Variants in ANXA8 observed in about 807,000 individuals in gnomAD.
The protein encoded by ANXA8 is VAC-beta.
In ANXA8, 9 loss-of-function variants were observed where a neutral mutation model predicts 26.8. That is an observed-to-expected ratio of 0.34 (90% CI 0.20 to 0.59). The LOEUF (loss-of-function observed/expected upper bound fraction) is 0.59, where lower values mean the gene tolerates loss of function less well. Ranked by LOEUF, ANXA8 falls within the 20% of genes least tolerant of loss-of-function variation. The pLI is 0.84. For synonymous variants in ANXA8, 39 were observed against 94.8 expected (o/e 0.41, Z 3.42); for missense variants, 83 against 238.5 (o/e 0.35, Z 4.29).
the ANXA8 span, among the ~76,000 whole-genome samples, chr10:47,659,166 C>T: frequency 0.051 from 7,676 of 150,050 alleles, 133 homozygotes; most frequent in African/African-American, 0.18. Context: ...CCACTGCACC[C>T]GGCTGTGTTG....
At chr10:47,969,772 G>T in the ANXA8 span, among the ~76,000 whole-genome samples, 4 of 150,594 alleles carry the variant, frequency 2.7e-5, no homozygotes, top group East Asian at 5.8e-4. Context: ...CTGGAGTAGG[G>T]TGGTGTGACG....
At chr10:47,941,755 G>A in the ANXA8 span, among the ~76,000 whole-genome samples, 1 of 147,886 alleles carries the variant, frequency 6.8e-6, no homozygotes, top group Admixed American at 6.7e-5. Flanking sequence ...CAGTGAAGCA[G>A]GGTAATTTGG....
At chr10:47,652,186 G>T in the ANXA8 span, among the ~76,000 whole-genome samples, 1 of 152,038 alleles carries the variant, frequency 6.6e-6, no homozygotes, top group East Asian at 1.9e-4. Context: ...GTTCTTTTTA[G>T]GTGATAGAAA....
the ANXA8 span, among the ~76,000 whole-genome samples, chr10:47,771,481 A>G: frequency 6.6e-6 from 1 of 151,454 alleles, no homozygotes; most frequent in Non-Finnish European, 1.5e-5. Context: ...CAAATAAATA[A>G]TCTACACCAA....
chr10:47,650,078 C>T, the ANXA8 span, among the ~76,000 whole-genome samples: 2,725 of 147,452 alleles, frequency 0.018, 35 homozygotes, highest in African/African-American at 0.065. Flanking sequence ...CATGGTGGCA[C>T]GCGCCTGTAA....
At chr10:47,655,913 G>A in the ANXA8 span, among the ~76,000 whole-genome samples, 12 of 151,946 alleles carry the variant, frequency 7.9e-5, no homozygotes, top group East Asian at 7.7e-4. Context: ...CCAGCTACTC[G>A]GGAGGCTGAG....
At chr10:47,988,881 C>T in the ANXA8 span, among the ~76,000 whole-genome samples, 196 of 151,790 alleles carry the variant, frequency 1.3e-3, 1 homozygote, top group African/African-American at 4.6e-3. Context: ...TCTACTAGGC[C>T]CTGAATGTTT....
At chr10:47,702,427 G>T in the ANXA8 span, among the ~76,000 whole-genome samples, 1 of 149,396 alleles carries the variant, frequency 6.7e-6, no homozygotes, top group Non-Finnish European at 1.5e-5. Flanking sequence ...TGCAACCTCT[G>T]CCTCCTGGGT....
the ANXA8 span, among the ~76,000 whole-genome samples, chr10:47,749,490 A>G: frequency 6.9e-6 from 1 of 145,090 alleles, no homozygotes; most frequent in Admixed American, 6.9e-5. Flanking sequence ...ATGAGTAATA[A>G]TAATATACAT....
the ANXA8 span, among the ~76,000 whole-genome samples, chr10:47,562,108 G>A: frequency 3.3e-5 from 5 of 151,806 alleles, no homozygotes; most frequent in Non-Finnish European, 5.9e-5. Context: ...CTCTAAATAT[G>A]ATTTGTTTTT....
the ANXA8 span, among the ~76,000 whole-genome samples, chr10:47,621,233 C>G: frequency 3.8e-3 from 393 of 104,160 alleles, 76 homozygotes; most frequent in Admixed American, 0.011. Flanking sequence ...TCATACTCAT[C>G]TTCTGAAGCC....
At chr10:47,586,481 T>C in the ANXA8 span, among the ~76,000 whole-genome samples, 4 of 145,562 alleles carry the variant, frequency 2.7e-5, 1 homozygote, top group African/African-American at 1.1e-4. Flanking sequence ...TGTGAACCTG[T>C]TTCTTTAACA....
At chr10:47,943,632 G>A in the ANXA8 span, among the ~76,000 whole-genome samples, 2 of 151,460 alleles carry the variant, frequency 1.3e-5, no homozygotes, top group South Asian at 4.2e-4. Flanking sequence ...AACTTTTGGG[G>A]TGTCCTGGTA....
chr10:47,733,171 T>TTCTTTCTTTCTTTCTCTCTCTCTCTCTC, the ANXA8 span, among the ~76,000 whole-genome samples: 2 of 100,900 alleles, frequency 2.0e-5, no homozygotes, highest in African/African-American at 6.4e-5. Context: ...CTTTCTTTCT[T>TTCTTTCTTTCTTTCTCTCTCTCTCTCTC]TCTTTCTTTC....
At chr10:47,649,893 G>A in the ANXA8 span, among the ~76,000 whole-genome samples, 1 of 148,454 alleles carries the variant, frequency 6.7e-6, no homozygotes, top group Non-Finnish European at 1.5e-5. Context: ...CCACATCCCA[G>A]TAAGTTTTGT....
chr10:47,584,147 C>G, the ANXA8 span, among the ~76,000 whole-genome samples: 1 of 149,500 alleles, frequency 6.7e-6, no homozygotes, highest in Non-Finnish European at 1.5e-5. Flanking sequence ...CCACTGCACT[C>G]CAGCCTGGGC....
the ANXA8 span, among the ~76,000 whole-genome samples, chr10:47,651,647 C>A: frequency 6.7e-6 from 1 of 150,072 alleles, no homozygotes; most frequent in African/African-American, 2.5e-5. Flanking sequence ...GAAATCCCAG[C>A]GCTTTGGAAG....
At chr10:47,651,882 G>A in the ANXA8 span, among the ~76,000 whole-genome samples, 10 of 151,076 alleles carry the variant, frequency 6.6e-5, no homozygotes, top group Admixed American at 2.0e-4. Context: ...CAATAAGAGC[G>A]AAACTTTGTC....
chr10:47,511,234 C>T, the ANXA8 span, among the ~76,000 whole-genome samples: 23 of 141,486 alleles, frequency 1.6e-4, 6 homozygotes, highest in Admixed American at 1.3e-3. Context: ...TGAGCCACGG[C>T]GCCCAGTCCT....
Sources: allele counts gnomAD v4.1 joint callset (sites outside exome capture counted in the v4.1 genomes callset), GRCh38; gene constraint gnomAD v4.1.1; transcripts MANE v1.5; gene names NCBI Gene and HGNC (gene_info 2026-07-23, HGNC 2026-07-21).